Variants in NALF1 observed in about 807,000 individuals in gnomAD.
The protein encoded by NALF1 is NALCN channel auxiliary factor 1.
Under a neutral mutation model 48.4 loss-of-function variants are expected in NALF1, and 3 were observed. That is an observed-to-expected ratio of 0.06 (90% CI 0.03 to 0.16). The LOEUF is 0.16. Among genes scored for constraint, NALF1 ranks in the 10% least tolerant of loss-of-function variants. The pLI is 1.00. For missense variants in NALF1, 526 were observed against 571.5 expected (o/e 0.92, Z 0.81); for synonymous variants, 262 against 245.7 (o/e 1.07, Z -0.62).
At chr13:107,425,842 C>T (rs1884270549) in intron 1 of NALF1, among the ~76,000 whole-genome samples, 1 of 151,992 alleles carries the variant, frequency 6.6e-6, no homozygotes, top group Admixed American at 6.6e-5. Context: ...TTAGATATCT[C>T]TGTACTGTGA....
intron 1 of NALF1, among the ~76,000 whole-genome samples, chr13:107,316,615 T>C (rs1012255485): frequency 3.9e-5 from 6 of 152,314 alleles, no homozygotes; most frequent in South Asian, 2.1e-4. Flanking sequence ...TGGTATCTCA[T>C]TGTGGTTTTG....
intron 1 of NALF1, among the ~76,000 whole-genome samples, chr13:107,518,948 G>A (rs1046198365): frequency 6.6e-6 from 1 of 152,162 alleles, no homozygotes; most frequent in African/African-American, 2.4e-5. Context: ...CTGTGGGAAA[G>A]CAAATTGGAA....
At chr13:107,307,843 A>G (rs953722909) in intron 1 of NALF1, among the ~76,000 whole-genome samples, 6 of 152,212 alleles carry the variant, frequency 3.9e-5, no homozygotes, top group African/African-American at 1.2e-4. Flanking sequence ...ATTGCTAAAG[A>G]GTACTTACAA....
chr13:107,717,230 AT>A (rs1207403476), intron 1 of NALF1, among the ~76,000 whole-genome samples: 1 of 152,226 alleles, frequency 6.6e-6, no homozygotes, highest in Non-Finnish European at 1.5e-5. Flanking sequence ...GCTGACAAAC[AT>A]TTCAGTATTT....
At chr13:107,565,079 A>AAG (rs1877760273) in intron 1 of NALF1, among the ~76,000 whole-genome samples, 1 of 149,766 alleles carries the variant, frequency 6.7e-6, no homozygotes, top group Non-Finnish European at 1.5e-5. Context: ...AAAAAAAAAA[A>AAG]AAAAACCTAG....
chr13:107,803,991 T>G (rs1205666675), intron 1 of NALF1, among the ~76,000 whole-genome samples: 2 of 152,166 alleles, frequency 1.3e-5, no homozygotes, highest in African/African-American at 4.8e-5. Context: ...TGACTTCTCC[T>G]TCCCTGTACC....
intron 1 of NALF1, among the ~76,000 whole-genome samples, chr13:107,600,725 G>A (rs1878900134): frequency 6.6e-6 from 1 of 152,070 alleles, no homozygotes. Context: ...GTGAATAAGA[G>A]ATAAAAACAA....
intron 1 of NALF1, among the ~76,000 whole-genome samples, chr13:107,327,698 C>G (rs1002097286): frequency 3.3e-5 from 5 of 152,144 alleles, no homozygotes; most frequent in Admixed American, 1.3e-4. Flanking sequence ...CGCTTTTCTT[C>G]TCTTTACCTA....
At chr13:107,302,923 T>C (rs899280023) in intron 1 of NALF1, among the ~76,000 whole-genome samples, 2 of 152,198 alleles carry the variant, frequency 1.3e-5, no homozygotes, top group African/African-American at 4.8e-5. Context: ...TTGAAGAATG[T>C]GCAAAAACAA....
chr13:107,281,155 C>T (rs1032468936), intron 1 of NALF1, among the ~76,000 whole-genome samples: 31 of 152,182 alleles, frequency 2.0e-4, no homozygotes, highest in African/African-American at 7.5e-4. Flanking sequence ...CTGCTAAATG[C>T]TTTGGGGAAC....
chr13:107,769,699 AAAAAG>A (rs925282641), intron 1 of NALF1, among the ~76,000 whole-genome samples: 4 of 151,768 alleles, frequency 2.6e-5, no homozygotes, highest in Non-Finnish European at 5.9e-5. Context: ...ATAAAAAAAA[AAAAAG>A]AAGAAATAAA....
chr13:107,601,786 G>C (rs548886919), intron 1 of NALF1, among the ~76,000 whole-genome samples: 57 of 151,898 alleles, frequency 3.8e-4, no homozygotes, highest in African/African-American at 1.3e-3. Context: ...GTAGGAAAAA[G>C]GTGGAAATAG....
At chr13:107,555,525 C>T (rs553140574) in intron 1 of NALF1, among the ~76,000 whole-genome samples, 1 of 143,456 alleles carries the variant, frequency 7.0e-6, no homozygotes, top group African/African-American at 2.6e-5. Context: ...AAACTCCTGA[C>T]CTCAGGTGAT....
chr13:107,725,367 A>T (rs1474207797), intron 1 of NALF1, among the ~76,000 whole-genome samples: 2 of 152,178 alleles, frequency 1.3e-5, no homozygotes, highest in African/African-American at 4.8e-5. Flanking sequence ...GAGGGAAAAA[A>T]ATGTAATTTT....
intron 1 of NALF1, among the ~76,000 whole-genome samples, chr13:107,818,408 G>A (rs955452339): frequency 5.3e-5 from 8 of 152,132 alleles, no homozygotes; most frequent in African/African-American, 1.9e-4. Context: ...GGAGACACTG[G>A]AGGAAGTAGG....
At chr13:107,285,762 T>G (rs1237663712) in intron 1 of NALF1, among the ~76,000 whole-genome samples, 4 of 151,828 alleles carry the variant, frequency 2.6e-5, no homozygotes, top group Non-Finnish European at 4.4e-5. Flanking sequence ...TAGAGAAACT[T>G]CATGAAAAAG....
intron 1 of NALF1, among the ~76,000 whole-genome samples, chr13:107,286,880 A>T (rs1881505615): frequency 6.6e-6 from 1 of 152,192 alleles, no homozygotes; most frequent in Non-Finnish European, 1.5e-5. Context: ...CATATTGATG[A>T]TTGCTGAAAG....
intron 1 of NALF1, among the ~76,000 whole-genome samples, chr13:107,740,109 T>C (rs1297195128): frequency 2.0e-5 from 3 of 152,066 alleles, no homozygotes; most frequent in Non-Finnish European, 2.9e-5. Flanking sequence ...TGTGGAAAAA[T>C]TGTCCACAAA....
chr13:107,269,163 G>A, intron 1 of NALF1, among the ~76,000 whole-genome samples: 1 of 135,452 alleles, frequency 7.4e-6, no homozygotes, highest in East Asian at 2.0e-4. Flanking sequence ...CCCTGTCTAT[G>A]TTTAAAAAAA....
Sources: gnomAD v4.1 joint callset for allele counts (sites outside exome capture counted in the v4.1 genomes callset) on GRCh38, gnomAD v4.1.1 for gene constraint, MANE v1.5 for transcripts, NCBI Gene and HGNC (gene_info 2026-07-23, HGNC 2026-07-21) for gene names.